Variants in CAMTA1 observed in about 807,000 individuals in gnomAD.
CAMTA1 encodes calmodulin binding transcription activator 1.
In CAMTA1, 27 loss-of-function variants were observed where a neutral mutation model predicts 170.9. The observed-to-expected ratio is 0.16, with a 90% CI of 0.12 to 0.22. The LOEUF (loss-of-function observed/expected upper bound fraction) is 0.22. Among genes scored for constraint, CAMTA1 ranks in the 10% least tolerant of loss-of-function variants. CAMTA1 has a pLI of 1.00. For missense variants in CAMTA1, 1,619 were observed against 2,217.2 expected, an observed-to-expected ratio of 0.73 and a Z score of 5.42; for synonymous variants, 833 against 891.5, an observed-to-expected ratio of 0.93 and a Z score of 1.17.
At chr1:7,723,268 A>G (rs983221225) in intron 11 of CAMTA1, among the ~76,000 whole-genome samples, 3 of 152,198 alleles carry the variant, frequency 2.0e-5, no homozygotes, top group African/African-American at 7.2e-5. Flanking sequence ...AAAAGGAAGA[A>G]AAAAGGATGA....
intron 5 of CAMTA1, among the ~76,000 whole-genome samples, chr1:7,457,827 T>C (rs953740113): frequency 2.6e-5 from 4 of 152,168 alleles, no homozygotes; most frequent in African/African-American, 9.7e-5. Flanking sequence ...AGCAGAGCTC[T>C]GGGGTCTCCA....
chr1:6,953,197 A>G (rs535255793), intron 3 of CAMTA1, among the ~76,000 whole-genome samples: 1 of 152,198 alleles, frequency 6.6e-6, no homozygotes, highest in Non-Finnish European at 1.5e-5. Flanking sequence ...TGCAGCTTCC[A>G]GGGATTCAGT....
intron 6 of CAMTA1, among the ~76,000 whole-genome samples, chr1:7,526,947 G>A (rs986824282): frequency 1.3e-5 from 2 of 152,222 alleles, no homozygotes; most frequent in African/African-American, 4.8e-5. Flanking sequence ...GCTGGGGCCT[G>A]TGTTTCCAAG....
chr1:7,542,876 TGTG>T (rs2094633567), intron 6 of CAMTA1, among the ~76,000 whole-genome samples: 2 of 141,070 alleles, frequency 1.4e-5, no homozygotes, highest in African/African-American at 6.0e-5. Context: ...TGTGTGTGTG[TGTG>T]TTTGAGCCGG....
chr1:7,430,257 A>C lies in CAMTA1; in HGVS notation c.439-37573A>C, dbSNP rs921515184. ...GATGATGGTGGTGAATCTGCTGCTG[A>C]TGATGATGGGGATGATGATGACGAG... On this transcript the variant is annotated intron_variant, in intron 5 of 22. Transcript: ENST00000303635. 5.3e-5 allele frequency among the ~76,000 whole-genome samples: 8 copies of C among 151,540 alleles called. No individual in the cohort carries two copies. In the South Asian group the frequency reaches 6.3e-4, roughly 12 times the overall value.
At chr1:6,889,784 A>T (rs1557771971) in intron 3 of CAMTA1, among the ~76,000 whole-genome samples, 1 of 152,202 alleles carries the variant, frequency 6.6e-6, no homozygotes, top group South Asian at 2.1e-4. Context: ...CCAGAGATGC[A>T]GGAGCACATG....
chr1:6,815,042 A>T (rs1480833057), intron 1 of CAMTA1, among the ~76,000 whole-genome samples: 1 of 152,160 alleles, frequency 6.6e-6, no homozygotes, highest in Admixed American at 6.6e-5. Context: ...ATAGCCAGGT[A>T]GTTACTGAAT....
chr1:7,269,460 A>G (rs374712889), intron 5 of CAMTA1, among the ~76,000 whole-genome samples: 3 of 152,218 alleles, frequency 2.0e-5, no homozygotes, highest in African/African-American at 7.2e-5. Context: ...ATCATCTTTG[A>G]TGTATCCCAT....
intron 9 of CAMTA1, among the ~76,000 whole-genome samples, chr1:7,668,433 CCACCACACA>C (rs1355248031): frequency 8.7e-6 from 1 of 114,810 alleles, no homozygotes; most frequent in African/African-American, 3.5e-5. Flanking sequence ...ACACACACAC[CCACCACACA>C]CCCCAGAGGC....
intron 5 of CAMTA1, among the ~76,000 whole-genome samples, chr1:7,255,888 C>T (rs1667299230): frequency 6.6e-6 from 1 of 152,166 alleles, no homozygotes; most frequent in South Asian, 2.1e-4. Context: ...GGACTTGAAC[C>T]TAGGTCTTTG....
chr1:7,400,671 A>G (rs1036881075), intron 5 of CAMTA1, among the ~76,000 whole-genome samples: 3 of 152,106 alleles, frequency 2.0e-5, no homozygotes, highest in African/African-American at 4.8e-5. Context: ...GTCCTAGAGT[A>G]TACGTTGGGT....
rs1646082266 is a variant in CAMTA1 at position 7,144,662 on chromosome 1, T to C, written c.302+53291T>C. ...ACTTGCAATTGTCAGGTCACACCACTCAGAATAATTACTAAAAACTGTGTC... is the reference window on the plus strand; with the variant it reads ...ACTTGCAATTGTCAGGTCACACCACCCAGAATAATTACTAAAAACTGTGTC... On this transcript the variant is annotated intron_variant, in intron 4 of 22. Coordinates refer to ENST00000303635, the MANE Select transcript of CAMTA1 (RefSeq NM_015215.4). The surrounding 1 kb of genome is among the most constrained non-coding windows in gnomAD (Gnocchi z 4.0). Among the ~76,000 whole-genome samples the C allele has an allele frequency of 6.6e-6, 1 of 152,214 alleles. No individual in the cohort carries two copies. The highest frequency in any genetic ancestry group is 2.4e-5 in the African/African-American group (1 of 41,446).
Position 7,642,225 on chromosome 1 carries a change from C to T in CAMTA1, c.664+1672C>T, listed in dbSNP as rs993221197. The stretch of plus-strand genomic sequence containing the variant: ...CTCGTGAGCCTCTTCAAAATGCTGC[C>T]GAGCACCGGGAAGCATGGGGAAATG... On this transcript the variant is annotated intron_variant, in intron 7 of 22. Coordinates refer to ENST00000303635, the MANE Select transcript of CAMTA1 (RefSeq NM_015215.4). The surrounding 1 kb of genome is among the most constrained non-coding windows in gnomAD (Gnocchi z 6.3). Among the ~76,000 whole-genome samples the T allele has an allele frequency of 1.4e-4, 22 of 152,310 alleles. No individual in the cohort carries two copies. The highest frequency in any genetic ancestry group is 1.2e-3 in the South Asian group (6 of 4,822).
intron 6 of CAMTA1, among the ~76,000 whole-genome samples, chr1:7,613,073 A>G (rs932919518): frequency 3.3e-5 from 5 of 152,060 alleles, no homozygotes; most frequent in African/African-American, 1.2e-4. Context: ...TTATATCCGT[A>G]CCCCAGGCAT....
intron 4 of CAMTA1, among the ~76,000 whole-genome samples, chr1:7,131,522 CT>C (rs58819912): frequency 0.02 from 2,521 of 126,640 alleles, 46 homozygotes; most frequent in African/African-American, 0.039. Flanking sequence ...ATCGTCTTTT[CT>C]TTTTTTTTTT....
intron 5 of CAMTA1, among the ~76,000 whole-genome samples, chr1:7,254,037 G>A (rs7551274): frequency 0.011 from 1,624 of 152,244 alleles, 32 homozygotes; most frequent in African/African-American, 0.036. Context: ...GGGGATGCAG[G>A]AGGGGAACCT....
Position 7,338,764 on chromosome 1 carries a change from C to T in CAMTA1, c.438+89138C>T, listed in dbSNP as rs114028861. ...TAACGCCACCAAAACATGCACTTAA[C>T]GGTGGTTAAAATGGTGAATTTTATG... On this transcript the variant is annotated intron_variant, in intron 5 of 22. Coordinates refer to ENST00000303635, the MANE Select transcript of CAMTA1 (RefSeq NM_015215.4). Among the ~76,000 whole-genome samples, 719 of 152,282 alleles carry T rather than the reference C, an allele frequency of 4.7e-3. 5 individuals are homozygous for T. The highest frequency in any genetic ancestry group is 0.017 in the African/African-American group (699 of 41,550).
At chr1:6,836,456 G>A (rs1313675285) in intron 3 of CAMTA1, among the ~76,000 whole-genome samples, 1 of 152,196 alleles carries the variant, frequency 6.6e-6, no homozygotes, top group African/African-American at 2.4e-5. Flanking sequence ...GTCTGGCGAA[G>A]GGGGTAGACT....
At chr1:7,264,128 C>T (rs538788251) in intron 5 of CAMTA1, among the ~76,000 whole-genome samples, 4 of 152,166 alleles carry the variant, frequency 2.6e-5, no homozygotes, top group African/African-American at 4.8e-5. Flanking sequence ...CTGCAAAGGA[C>T]GCTTCTGCAA....
Sources: allele counts gnomAD v4.1 joint callset (sites outside exome capture counted in the v4.1 genomes callset), GRCh38; gene constraint gnomAD v4.1.1; non-coding constraint Gnocchi (gnomAD v3.1); transcripts MANE v1.5; gene names NCBI Gene and HGNC (gene_info 2026-07-23, HGNC 2026-07-21).